The following ADAM12 variants were observed in gnomAD, a reference collection of about 807,000 sequenced individuals.
ADAM12 encodes the protein ADAM metallopeptidase domain 12.
In ADAM12, 70 loss-of-function variants were observed where a neutral mutation model predicts 106.4. The observed-to-expected ratio is 0.66, with a 90% CI of 0.54 to 0.80. The LOEUF is 0.80. Among genes scored for constraint, ADAM12 ranks in the 30% least tolerant of loss-of-function variants. The probability of loss-of-function intolerance (pLI) is 0.00; values close to 1 mark genes in which losing one functional copy is unlikely to be tolerated. For synonymous variants in ADAM12, 420 were observed against 433.5 expected, an observed-to-expected ratio of 0.97 and a Z score of 0.39; for missense variants, 1,010 against 1,171.9, an observed-to-expected ratio of 0.86 and a Z score of 2.02.
intron 1 of ADAM12, among the ~76,000 whole-genome samples, chr10:126,331,786 G>T (rs1854520273): frequency 6.6e-6 from 1 of 152,212 alleles, no homozygotes; most frequent in Admixed American, 6.5e-5. Context: ...GATGGGCTGA[G>T]TCTTCAGGGA....
intron 8 of ADAM12, among the ~76,000 whole-genome samples, chr10:126,107,726 T>C (rs1044803428): frequency 4.6e-5 from 7 of 152,166 alleles, no homozygotes; most frequent in Non-Finnish European, 1.0e-4. Flanking sequence ...CACATGAGAA[T>C]TGCTGGGGAG....
intron 21 of ADAM12, among the ~76,000 whole-genome samples, chr10:126,022,847 A>T (rs1953794468): frequency 6.6e-6 from 1 of 152,252 alleles, no homozygotes; most frequent in African/African-American, 2.4e-5. Context: ...AGAAAAATCC[A>T]GGTATGCTAT....
chr10:126,365,315 T>A (rs551545410), intron 1 of ADAM12, among the ~76,000 whole-genome samples: 1 of 152,286 alleles, frequency 6.6e-6, no homozygotes, highest in South Asian at 2.1e-4. Flanking sequence ...ACAATAAATT[T>A]AAAATGCAAA....
chr10:126,054,925 C>A (rs1171822599), intron 14 of ADAM12, among the ~76,000 whole-genome samples: 2 of 152,060 alleles, frequency 1.3e-5, no homozygotes, highest in African/African-American at 4.8e-5. Context: ...ACTTACCACA[C>A]CTGTAACGAT....
intron 12 of ADAM12, among the ~76,000 whole-genome samples, chr10:126,068,469 G>A (rs917842739): frequency 2.0e-5 from 3 of 152,158 alleles, no homozygotes; most frequent in African/African-American, 7.2e-5. Flanking sequence ...ACTTCAAAGG[G>A]GATGATAATG....
At chr10:126,128,299 G>T (rs1220204738) in intron 5 of ADAM12, among the ~76,000 whole-genome samples, 1 of 152,092 alleles carries the variant, frequency 6.6e-6, no homozygotes, top group Non-Finnish European at 1.5e-5. Context: ...TGGGGATGGG[G>T]CAAAGGGCTT....
chr10:126,102,113 G>A lies in ADAM12; in HGVS notation c.742-872C>T, dbSNP rs150319625. On this transcript the variant is annotated intron_variant, in intron 8 of 22. Coordinates refer to ENST00000448723, the MANE Select transcript of ADAM12 (RefSeq NM_001288973.2). The stretch of plus-strand genomic sequence containing the variant: ...CCTCCAGGGACTAAGGGATGGCTTT[G>A]TCTCATAGGAGTTCAGAGGGCCAGG... 2.6e-3 allele frequency among the ~76,000 whole-genome samples: 395 copies of A among 152,260 alleles called. 2 individuals are homozygous for A. The highest frequency in any genetic ancestry group is 9.1e-3 in the African/African-American group (378 of 41,554).
chr10:126,246,759 C>T (rs889977132), intron 3 of ADAM12, among the ~76,000 whole-genome samples: 2 of 152,174 alleles, frequency 1.3e-5, no homozygotes, highest in African/African-American at 4.8e-5. Context: ...CCATCTATGA[C>T]AAACCCACAG....
At chr10:126,055,751 G>A (rs887045559) in intron 14 of ADAM12, among the ~76,000 whole-genome samples, 8 of 152,166 alleles carry the variant, frequency 5.3e-5, no homozygotes, top group African/African-American at 1.7e-4. Context: ...TAATCCAGCT[G>A]CTCATGGAGT....
At chr10:126,338,487 C>G (rs949026424) in intron 1 of ADAM12, among the ~76,000 whole-genome samples, 1 of 151,850 alleles carries the variant, frequency 6.6e-6, no homozygotes, top group Admixed American at 6.6e-5. Flanking sequence ...CTCCTGACCT[C>G]GTGATCCGCC....
At chr10:126,365,114 T>C (rs191375919) in intron 1 of ADAM12, among the ~76,000 whole-genome samples, 61 of 152,260 alleles carry the variant, frequency 4.0e-4, no homozygotes, top group African/African-American at 1.5e-3. Context: ...TCCAGTATGA[T>C]TGGTGACTCT....
chr10:126,371,252 G>A (rs1856106096), intron 1 of ADAM12, among the ~76,000 whole-genome samples: 1 of 152,186 alleles, frequency 6.6e-6, no homozygotes, highest in Admixed American at 6.5e-5. Context: ...TCCCTTTATG[G>A]AATTCCTCAA....
intron 1 of ADAM12, among the ~76,000 whole-genome samples, chr10:126,338,598 C>A (rs928762081): frequency 6.6e-6 from 1 of 152,228 alleles, no homozygotes; most frequent in South Asian, 2.1e-4. Context: ...AGATACTAAT[C>A]CCATTTTATA....
chr10:126,321,914 G>GGGGGGGGA (rs1244387780), intron 2 of ADAM12, among the ~76,000 whole-genome samples: 1 of 138,260 alleles, frequency 7.2e-6, no homozygotes, highest in African/African-American at 2.6e-5. Context: ...TCGGGGGGGG[G>GGGGGGGGA]GCTTCAGCAA....
intron 3 of ADAM12, among the ~76,000 whole-genome samples, chr10:126,177,521 G>A (rs1319172606): frequency 6.6e-6 from 1 of 152,114 alleles, no homozygotes; most frequent in Admixed American, 6.5e-5. Context: ...TACCAGACTG[G>A]GACCTAAATC....
intron 2 of ADAM12, among the ~76,000 whole-genome samples, chr10:126,299,880 T>C (rs915976142): frequency 4.6e-5 from 7 of 152,068 alleles, no homozygotes; most frequent in Non-Finnish European, 1.0e-4. Flanking sequence ...CTGACCTCAG[T>C]TGATCTGCCT....
rs527254905 is a variant in ADAM12, at chr10:126,162,941, T to C, written c.261-7636A>G. ...TTGGATTGTGGGGGCGGATCCTTGA[T>C]GGCTTGGTGCTGTCTTCGTAAGAAT... On this transcript the variant is annotated intron_variant, in intron 3 of 22. Coordinates refer to ENST00000448723, the MANE Select transcript of ADAM12 (RefSeq NM_001288973.2). Among the ~76,000 whole-genome samples, 14 of 152,304 alleles carry C rather than the reference T, an allele frequency of 9.2e-5. No homozygotes were observed. In the East Asian group the frequency reaches 1.9e-3, roughly 21 times the overall value.
chr10:126,044,951 G>T (rs1254965248), intron 17 of ADAM12, among the ~76,000 whole-genome samples: 1 of 152,136 alleles, frequency 6.6e-6, no homozygotes, highest in Non-Finnish European at 1.5e-5. Context: ...CCACAGGAAG[G>T]TGCTGCCGGG....
chr10:126,297,629 G>C (rs976164575), intron 2 of ADAM12, among the ~76,000 whole-genome samples: 1 of 152,176 alleles, frequency 6.6e-6, no homozygotes, highest in Admixed American at 6.5e-5. Context: ...TACACAAATG[G>C]AGGGGTTTTG....
Sources: gnomAD v4.1 joint callset for allele counts (sites outside exome capture counted in the v4.1 genomes callset) on GRCh38, gnomAD v4.1.1 for gene constraint, MANE v1.5 for transcripts, NCBI Gene and HGNC (gene_info 2026-07-23, HGNC 2026-07-21) for gene names.